The following NRG2 variants were observed in gnomAD, a reference collection of about 807,000 sequenced individuals.
NRG2 encodes the protein neuregulin 2.
NRG2 carries 27 observed loss-of-function variants against 73.9 expected under a neutral mutation model. The ratio of observed to expected loss-of-function variants is 0.37; its 90% confidence interval spans 0.27 to 0.50. NRG2 has a LOEUF of 0.50. Among genes scored for constraint, NRG2 ranks in the 20% least tolerant of loss-of-function variants. The probability of loss-of-function intolerance (pLI) is 0.96; values close to 1 mark genes in which losing one functional copy is unlikely to be tolerated. For synonymous variants in NRG2, 532 were observed against 541.0 expected, an observed-to-expected ratio of 0.98 and a Z score of 0.23; for missense variants, 1,126 against 1,210.1, an observed-to-expected ratio of 0.93 and a Z score of 1.03.
intron 1 of NRG2, among the ~76,000 whole-genome samples, chr5:139,903,845 C>A (rs1476930147): frequency 6.6e-6 from 1 of 152,200 alleles, no homozygotes; most frequent in Non-Finnish European, 1.5e-5. Flanking sequence ...CCGAGCAGAA[C>A]GGAGGGAGGT....
At chr5:139,885,970 G>T (rs1276649685) in intron 2 of NRG2, among the ~76,000 whole-genome samples, 1 of 152,046 alleles carries the variant, frequency 6.6e-6, no homozygotes, top group Non-Finnish European at 1.5e-5. Context: ...AAGCAGCCTT[G>T]GTAGGGCAGT....
intron 1 of NRG2, among the ~76,000 whole-genome samples, chr5:139,966,949 G>A (rs1026133896): frequency 6.6e-6 from 1 of 152,180 alleles, no homozygotes; most frequent in African/African-American, 2.4e-5. Flanking sequence ...AAAAAGGCCT[G>A]GGAGGAAACA....
At chr5:139,884,446 G>T (rs1225252475) in intron 2 of NRG2, among the ~76,000 whole-genome samples, 1 of 152,230 alleles carries the variant, frequency 6.6e-6, no homozygotes, top group Non-Finnish European at 1.5e-5. Flanking sequence ...GCAGTGACTT[G>T]TAGGCCAGGA....
At chr5:139,922,232 C>T (rs1751727013) in intron 1 of NRG2, among the ~76,000 whole-genome samples, 1 of 151,998 alleles carries the variant, frequency 6.6e-6, no homozygotes, top group Non-Finnish European at 1.5e-5. Flanking sequence ...CCAAAACATA[C>T]AAAGAACTCT....
intron 1 of NRG2, among the ~76,000 whole-genome samples, chr5:139,899,884 C>T (rs1007408649): frequency 6.6e-6 from 1 of 152,180 alleles, no homozygotes; most frequent in Non-Finnish European, 1.5e-5. Context: ...AACTTAAGAT[C>T]TCATCCTGCC....
At position 139,853,008 on chromosome 5, in the gene NRG2, G is replaced by A. The variant is rs1224700513; in HGVS notation, c.1312C>T (p.His438Tyr). The part of the protein sequence containing the change: ...CKTKKQRKQM[H>Y]NHLRQNMCPA... ...CACATGTTCTGCCGGAGGTGGTTGTGCATCTGCTTCCGCTGTTTTCTGCAC... is the reference window on the plus strand; with the variant it reads ...CACATGTTCTGCCGGAGGTGGTTGTACATCTGCTTCCGCTGTTTTCTGCAC... Residue 438 changes from histidine (H) to tyrosine (Y), a missense_variant, in exon 7 of 10, where the codon CAC becomes TAC. His to Tyr is a moderately conservative substitution (Grantham distance 83, BLOSUM62 2). Around this residue, in one of 3 missense-constraint regions of NRG2, gnomAD observed 539 missense variants for 703.2 expected, o/e 0.77. Coordinates refer to ENST00000361474, the MANE Select transcript of NRG2 (RefSeq NM_004883.3). This position sits in a 1 kb window ranked among gnomAD's most constrained non-coding sequence, Gnocchi z 4.1. 1 of 1,613,510 alleles carries A rather than the reference G, an allele frequency of 6.2e-7. No homozygotes were observed. Among genetic ancestry groups the A allele is most frequent in the East Asian group, 2.2e-5 (1 of 44,818 alleles).
At position 139,887,617 on chromosome 5, in the gene NRG2, G is replaced by C. The variant is rs1475082633; in HGVS notation, c.701-106C>G. 2 of 1,021,506 alleles carry C rather than the reference G, an allele frequency of 2.0e-6. No homozygotes were observed. The highest frequency in any genetic ancestry group is 2.9e-6 in the Non-Finnish European group (2 of 686,852). The allele number at this position is 1,021,506 out of a possible 1,614,324, so 63.3% of individuals were successfully genotyped here. ...TGTCTTTGGGCTGGAACTGGGGAAG[G>C]GAAGGGTGATCCTGAGAGCCACCCC... On this transcript the variant is annotated intron_variant, in intron 1 of 9. Transcript: ENST00000361474. This position sits in a 1 kb window ranked among gnomAD's most constrained non-coding sequence, Gnocchi z 4.5.
intron 1 of NRG2, among the ~76,000 whole-genome samples, chr5:139,890,806 T>C (rs1009483058): frequency 2.0e-5 from 3 of 152,220 alleles, no homozygotes; most frequent in Admixed American, 6.5e-5. Context: ...TTTTTGGAAA[T>C]GTAACATACA....
chr5:139,935,875 C>T (rs1463807639), intron 1 of NRG2, among the ~76,000 whole-genome samples: 5 of 150,882 alleles, frequency 3.3e-5, no homozygotes, highest in Admixed American at 3.3e-4. Context: ...ACAAGAATCG[C>T]TTGAACCTGG....
At chr5:139,875,996 A>G (rs1763154121) in intron 3 of NRG2, among the ~76,000 whole-genome samples, 2 of 152,196 alleles carry the variant, frequency 1.3e-5, no homozygotes, top group Admixed American at 6.5e-5. Flanking sequence ...GTGTATCCCC[A>G]AGAGATTGAA....
chr5:140,001,723 C>T (rs1454935111), intron 1 of NRG2, among the ~76,000 whole-genome samples: 4 of 150,752 alleles, frequency 2.7e-5, no homozygotes, highest in Admixed American at 6.6e-5. Context: ...AATGGCCAGA[C>T]ATAGTGCCAT....
chr5:139,908,741 G>A (rs1765406619), intron 1 of NRG2, among the ~76,000 whole-genome samples: 1 of 152,158 alleles, frequency 6.6e-6, no homozygotes, highest in Admixed American at 6.5e-5. Context: ...CTAACCACTG[G>A]TCGCAAGACC....
chr5:139,991,338 A>G (rs796520732), intron 1 of NRG2, among the ~76,000 whole-genome samples: 1 of 152,156 alleles, frequency 6.6e-6, no homozygotes, highest in South Asian at 2.1e-4. Context: ...TTTGCAGTCA[A>G]TATTTTTGTG....
At chr5:139,931,078 C>G (rs772220125) in intron 1 of NRG2, among the ~76,000 whole-genome samples, 15 of 152,160 alleles carry the variant, frequency 9.9e-5, no homozygotes, top group Non-Finnish European at 2.1e-4. Context: ...CATCATTTAA[C>G]CTTTCTGGGT....
intron 1 of NRG2, among the ~76,000 whole-genome samples, chr5:140,016,111 G>A (rs1194562753): frequency 1.3e-5 from 2 of 152,166 alleles, no homozygotes; most frequent in African/African-American, 4.8e-5. Flanking sequence ...AGTTAGGGAG[G>A]AAGCAACAGG....
chr5:139,964,003 A>AG (rs1554114475), intron 1 of NRG2, among the ~76,000 whole-genome samples: 1 of 152,152 alleles, frequency 6.6e-6, no homozygotes, highest in African/African-American at 2.4e-5. Context: ...GAGAAAAAAA[A>AG]GGGGGCTCTG....
At position 139,966,925 on chromosome 5, in the gene NRG2, C is replaced by T. The variant is rs1194085665; in HGVS notation, c.700+75445G>A. On this transcript the variant is annotated intron_variant, in intron 1 of 9. Coordinates refer to ENST00000361474, the MANE Select transcript of NRG2 (RefSeq NM_004883.3). ...TCTCTAATGGATGGGAAGGAGCTTA[C>T]AGGAACTGCTCAAAAAAAGGCCTGG... 2.6e-5 allele frequency among the ~76,000 whole-genome samples: 4 copies of T among 152,310 alleles called. No homozygotes were observed. The Middle Eastern group carries it at 0.01, about 389-fold the overall frequency.
chr5:139,855,572 T>G, intron 6 of NRG2, 104 bp downstream of exon 6: 1 of 983,694 alleles, frequency 1.0e-6, no homozygotes, highest in South Asian at 1.3e-5. Context: ...TAGGAGGGTA[T>G]AGAGGGCTCC....
chr5:139,892,759 T>C (rs1764293011), intron 1 of NRG2, among the ~76,000 whole-genome samples: 1 of 152,144 alleles, frequency 6.6e-6, no homozygotes, highest in Admixed American at 6.5e-5. Context: ...AGCAATGCAG[T>C]GGGCAGGCAT....
Sources: gnomAD v4.1 joint callset for allele counts (sites outside exome capture counted in the v4.1 genomes callset) on GRCh38, gnomAD v4.1.1 for gene constraint, gnomAD v4.1.1 regional missense constraint, Gnocchi (gnomAD v3.1) non-coding constraint, MANE v1.5 for transcripts, NCBI Gene and HGNC (gene_info 2026-07-23, HGNC 2026-07-21) for gene names.